The following PAPPA variants were observed in gnomAD, a reference collection of about 807,000 sequenced individuals.
PAPPA encodes pappalysin-1.
Under a neutral mutation model 164.0 loss-of-function variants are expected in PAPPA, and 60 were observed. The ratio of observed to expected loss-of-function variants is 0.37; its 90% CI spans 0.30 to 0.45. PAPPA has a LOEUF of 0.45. PAPPA is among the 20% of genes least tolerant of loss of function. The pLI is 1.00. For synonymous variants in PAPPA, 875 were observed against 814.1 expected, an observed-to-expected ratio of 1.07 and a Z score of -1.27; for missense variants, 1,782 against 2,087.3, an observed-to-expected ratio of 0.85 and a Z score of 2.85.
intron 20 of PAPPA, 71 bp downstream of exon 20, chr9:116,377,718 T>A: frequency 8.6e-7 from 1 of 1,158,184 alleles, no homozygotes; most frequent in Non-Finnish European, 1.3e-6. Context: ...ATTGTTATAT[T>A]AATGTTGGCT....
At chr9:116,241,961 T>C (rs1183677266) in intron 7 of PAPPA, among the ~76,000 whole-genome samples, 1 of 152,178 alleles carries the variant, frequency 6.6e-6, no homozygotes, top group East Asian at 1.9e-4. Flanking sequence ...ATTAATTTAT[T>C]CATTCATTCA....
In PAPPA at chr9:116,154,402, G is replaced by T. The variant is rs1843574651; in HGVS notation, c.230G>T (p.Arg77Leu). 1 of 1,169,768 alleles carries T rather than the reference G, an allele frequency of 8.5e-7. No homozygotes were observed. Among genetic ancestry groups the T allele is most frequent in the Non-Finnish European group, 1.1e-6 (1 of 925,308 alleles). The allele number at this position is 1,169,768 out of a possible 1,614,324, so 72.5% of individuals were successfully genotyped here. ...GAWEAVRVPR[R>L]RQQREARGAT... ...TGGGAAGCCGTGCGCGTCCCCCGGC[G>T]GCGGCAGCAGCGGGAGGCGAGGGGC... is the stretch of plus-strand genomic sequence containing the variant. The change falls in exon 1 of 22, where the codon CGG (arginine) becomes CTG (leucine). Residue 77 changes from arginine (R) to leucine (L), a missense_variant. By Grantham distance (102) the Arg-to-Leu change is moderately radical. Around this residue, in one of 2 missense-constraint regions of PAPPA, gnomAD observed 458 missense variants for 430.3 expected, o/e 1.06. Coordinates refer to ENST00000328252, the MANE Select transcript of PAPPA (RefSeq NM_002581.5). The surrounding 1 kb of genome is among the most constrained non-coding windows in gnomAD (Gnocchi z 5.2).
intron 5 of PAPPA, among the ~76,000 whole-genome samples, chr9:116,221,000 G>A (rs1164072675): frequency 1.3e-5 from 2 of 151,852 alleles, no homozygotes; most frequent in African/African-American, 4.8e-5. Context: ...TAAGACCAGG[G>A]AATGATAAAC....
At position 116,154,736 on chromosome 9, in the gene PAPPA, A is replaced by C; in HGVS notation, c.415+149A>C. 1.0e-6 allele frequency: 1 copy of C among 986,940 alleles called. No individual in the cohort carries two copies. The highest frequency in any genetic ancestry group is 1.3e-6 in the Non-Finnish European group (1 of 764,492). 61.1% of individuals were successfully genotyped at this position (986,940 alleles called of 1,614,324 possible). A position where few individuals can be genotyped will look rare whatever the true frequency, so the allele number is the denominator to read the frequency against. On this transcript the variant is annotated intron_variant, in intron 1 of 21. Coordinates refer to ENST00000328252, the MANE Select transcript of PAPPA (RefSeq NM_002581.5). The surrounding 1 kb of genome is among the most constrained non-coding windows in gnomAD (Gnocchi z 5.2). ...CGAGCGGCGCAGAGACATCCGGGCG[A>C]GCTGAGAGCCTCACTTTGCTCCATC... is the stretch of plus-strand genomic sequence containing the variant.
chr9:116,282,187 T>C (rs1845276008), intron 9 of PAPPA, among the ~76,000 whole-genome samples: 1 of 152,244 alleles, frequency 6.6e-6, no homozygotes, highest in Admixed American at 6.5e-5. Flanking sequence ...TATTTGCATG[T>C]AACCTATGCA....
chr9:116,211,104 G>T (rs540194971), intron 3 of PAPPA, among the ~76,000 whole-genome samples: 2 of 152,176 alleles, frequency 1.3e-5, no homozygotes, highest in South Asian at 2.1e-4. Flanking sequence ...CTTCATTAGC[G>T]TTCATGCTCT....
intron 9 of PAPPA, chr9:116,286,814 G>C (rs1845345313): frequency 6.7e-6 from 1 of 149,102 alleles, no homozygotes; most frequent in Non-Finnish European, 1.5e-5. Flanking sequence ...GTGGTGCTAC[G>C]TGCTTTCTCA....
intron 7 of PAPPA, among the ~76,000 whole-genome samples, chr9:116,260,087 A>T (rs1323112263): frequency 6.6e-6 from 1 of 152,208 alleles, no homozygotes; most frequent in African/African-American, 2.4e-5. Context: ...TATAGTATTG[A>T]AACATCTATG....
At chr9:116,230,452 G>T (rs1239964600) in intron 6 of PAPPA, among the ~76,000 whole-genome samples, 2 of 152,138 alleles carry the variant, frequency 1.3e-5, no homozygotes, top group Non-Finnish European at 2.9e-5. Flanking sequence ...ATTGGACCAT[G>T]GTCTCAGCCC....
intron 2 of PAPPA, among the ~76,000 whole-genome samples, chr9:116,191,416 T>C (rs1844041110): frequency 6.6e-6 from 1 of 152,202 alleles, no homozygotes; most frequent in South Asian, 2.1e-4. Flanking sequence ...AGTAATATCT[T>C]ATTCCATTTC....
At chr9:116,304,659 G>A (rs1477707375) in intron 10 of PAPPA, among the ~76,000 whole-genome samples, 3 of 152,062 alleles carry the variant, frequency 2.0e-5, no homozygotes, top group Non-Finnish European at 4.4e-5. Context: ...GCTTCATGGG[G>A]CAATTATTCC....
chr9:116,177,005 C>T (rs1362067232), intron 1 of PAPPA, among the ~76,000 whole-genome samples: 2 of 145,464 alleles, frequency 1.4e-5, no homozygotes, highest in African/African-American at 5.0e-5. Context: ...ATTAAATTGA[C>T]ATGTCCATGT....
intron 1 of PAPPA, among the ~76,000 whole-genome samples, chr9:116,156,314 A>ATGTG (rs1382207390): frequency 3.0e-5 from 3 of 99,734 alleles, no homozygotes; most frequent in African/African-American, 8.8e-5. Context: ...ATGTATATAT[A>ATGTG]TGTGTGTATA....
At chr9:116,200,402 G>A (rs542688521) in intron 2 of PAPPA, among the ~76,000 whole-genome samples, 6 of 152,078 alleles carry the variant, frequency 3.9e-5, no homozygotes, top group Non-Finnish European at 8.8e-5. Flanking sequence ...GGATATGGTC[G>A]GTAGCATCCA....
intron 7 of PAPPA, among the ~76,000 whole-genome samples, chr9:116,256,028 C>T (rs939553810): frequency 6.6e-6 from 1 of 151,050 alleles, no homozygotes; most frequent in Non-Finnish European, 1.5e-5. Flanking sequence ...AAAAAGATTC[C>T]AGGTTAGTGA....
intron 9 of PAPPA, among the ~76,000 whole-genome samples, chr9:116,297,161 G>T (rs1422026710): frequency 6.6e-6 from 1 of 151,978 alleles, no homozygotes; most frequent in African/African-American, 2.4e-5. Flanking sequence ...GGCAGAAAAT[G>T]ACCTTCTATA....
intron 1 of PAPPA, among the ~76,000 whole-genome samples, chr9:116,183,691 G>T (rs1013041599): frequency 6.6e-6 from 1 of 152,150 alleles, no homozygotes; most frequent in Non-Finnish European, 1.5e-5. Context: ...TTGTGAAGCC[G>T]CTGCTTCAAG....
In PAPPA at chr9:116,344,717, T is replaced by A; in HGVS notation, c.3780+6T>A. 1 of 1,610,760 alleles carries A rather than the reference T, an allele frequency of 6.2e-7. No homozygotes were observed. The highest frequency in any genetic ancestry group is 1.1e-5 in the South Asian group (1 of 90,946). On this transcript the variant is annotated splice_donor_region_variant and intron_variant, in intron 14 of 21. Transcript: ENST00000328252. The stretch of plus-strand genomic sequence containing the variant: ...ATGAGCTGATCAAGAGCCAGGTATG[T>A]GCAGGTGCTGAGCTCAGAGCCTCTC...
intron 1 of PAPPA, among the ~76,000 whole-genome samples, chr9:116,171,477 C>T (rs1408998908): frequency 1.3e-5 from 2 of 151,794 alleles, no homozygotes; most frequent in African/African-American, 4.8e-5. Flanking sequence ...GCCTTTTTCT[C>T]CAACCCCCAC....
Sources: allele counts gnomAD v4.1 joint callset (sites outside exome capture counted in the v4.1 genomes callset), GRCh38; gene constraint gnomAD v4.1.1; regional missense constraint gnomAD v4.1.1; non-coding constraint Gnocchi (gnomAD v3.1); transcripts MANE v1.5; gene names NCBI Gene and HGNC (gene_info 2026-07-23, HGNC 2026-07-21).